The following EXOC6B variants were observed in gnomAD, a reference collection of about 807,000 sequenced individuals.
EXOC6B encodes the protein SEC15 homolog B.
Under a neutral mutation model 113.5 loss-of-function variants are expected in EXOC6B, and 54 were observed. The observed-to-expected ratio is 0.48, with a 90% CI of 0.38 to 0.60. EXOC6B has a LOEUF of 0.60. EXOC6B is among the 20% of genes least tolerant of loss of function. EXOC6B has a pLI of 0.00. For synonymous variants in EXOC6B, 357 were observed against 339.0 expected (o/e 1.05, Z -0.58); for missense variants, 797 against 977.5 (o/e 0.82, Z 2.46).
At chr2:72,717,313 T>C (rs1679678755) in intron 6 of EXOC6B, among the ~76,000 whole-genome samples, 1 of 152,148 alleles carries the variant, frequency 6.6e-6, no homozygotes, top group Admixed American at 6.5e-5. Context: ...CACAGAATGA[T>C]AAAAACTACA....
chr2:72,388,863 A>G (rs942356815), intron 18 of EXOC6B, among the ~76,000 whole-genome samples: 22 of 152,164 alleles, frequency 1.4e-4, no homozygotes, highest in Admixed American at 1.2e-3. Flanking sequence ...ACATTAATAC[A>G]GAAACTCAAT....
chr2:72,240,429 A>G (rs1024001261), intron 20 of EXOC6B, among the ~76,000 whole-genome samples: 8 of 150,234 alleles, frequency 5.3e-5, no homozygotes, highest in Non-Finnish European at 1.0e-4. Context: ...ATACTTACGG[A>G]AAAAAAAATA....
Position 72,335,033 on chromosome 2 carries a change from A to C in EXOC6B, c.2123-13T>G. Reference sequence around the variant, plus strand: ...GATCTGGCAAACTCTGTGGGAAAGAAAAGAGGATAAAAAGCGCCTTTAACT... The same window carrying C: ...GATCTGGCAAACTCTGTGGGAAAGACAAGAGGATAAAAAGCGCCTTTAACT... On this transcript the variant is annotated splice_polypyrimidine_tract_variant and intron_variant, in intron 19 of 21. Transcript: ENST00000272427. 6.2e-7 allele frequency: 1 copy of C among 1,610,260 alleles called. No individual in the cohort carries two copies. The highest frequency in any genetic ancestry group is 8.5e-7 in the Non-Finnish European group (1 of 1,179,066).
intron 10 of EXOC6B, among the ~76,000 whole-genome samples, chr2:72,513,953 TG>T (rs1295747120): frequency 2.0e-5 from 3 of 152,124 alleles, no homozygotes; most frequent in Non-Finnish European, 4.4e-5. Context: ...AAAATAAACC[TG>T]ATGAAGAATC....
At chr2:72,530,003 A>C (rs1044155901) in intron 8 of EXOC6B, among the ~76,000 whole-genome samples, 1 of 152,004 alleles carries the variant, frequency 6.6e-6, no homozygotes, top group African/African-American at 2.4e-5. Flanking sequence ...TAATATCAAT[A>C]ATCTGTTTAT....
At chr2:72,331,357 A>G (rs1417083432) in intron 20 of EXOC6B, among the ~76,000 whole-genome samples, 2 of 152,130 alleles carry the variant, frequency 1.3e-5, no homozygotes, top group African/African-American at 2.4e-5. Context: ...TATCTACTTA[A>G]TGTTTAACCA....
chr2:72,683,715 G>A (rs1260292395), intron 6 of EXOC6B, among the ~76,000 whole-genome samples: 2 of 152,040 alleles, frequency 1.3e-5, no homozygotes, highest in Admixed American at 1.3e-4. Context: ...TTTCAAATGT[G>A]GGGGAAGTCA....
Position 72,499,952 on chromosome 2 carries a change from G to C in EXOC6B, c.1188C>G (p.Asn396Lys), listed in dbSNP as rs1359400720. Residue 396 changes from asparagine to lysine, a missense_variant, in exon 12 of 22, where the codon AAC becomes AAG. By Grantham distance (94) the Asn-to-Lys change is moderately conservative (BLOSUM62 0). Coordinates refer to ENST00000272427, the MANE Select transcript of EXOC6B (RefSeq NM_015189.3). ...TGAGGTTCTTCAAATCTAACACAAG[G>C]TTTGGATCAGAACAGTAAGACTAAA... Reference protein sequence around the residue: ...RTHSSYCSDPNLVLDLKNLIV... With the variant: ...RTHSSYCSDPKLVLDLKNLIV... The C allele has an allele frequency of 3.9e-6, 6 of 1,551,566 alleles. No individual in the cohort carries two copies. The Admixed American group carries it at 5.9e-5, about 15-fold the overall frequency.
intron 6 of EXOC6B, among the ~76,000 whole-genome samples, chr2:72,717,160 G>T (rs892088250): frequency 3.3e-5 from 5 of 152,154 alleles, no homozygotes; most frequent in African/African-American, 7.2e-5. Context: ...GGAAATATCT[G>T]CATTCCCTGA....
At chr2:72,284,896 A>C (rs1685332896) in intron 20 of EXOC6B, among the ~76,000 whole-genome samples, 1 of 152,104 alleles carries the variant, frequency 6.6e-6, no homozygotes, top group Admixed American at 6.5e-5. Flanking sequence ...CCCAGAATGA[A>C]ATGCTTAGGT....
At chr2:72,569,720 C>T (rs1465261781) in intron 7 of EXOC6B, among the ~76,000 whole-genome samples, 1 of 152,082 alleles carries the variant, frequency 6.6e-6, no homozygotes, top group Non-Finnish European at 1.5e-5. Flanking sequence ...TCTAAAGTAG[C>T]CTTTAACTTA....
chr2:72,683,133 C>G (rs1676832048), intron 6 of EXOC6B, among the ~76,000 whole-genome samples: 1 of 152,158 alleles, frequency 6.6e-6, no homozygotes, highest in African/African-American at 2.4e-5. Flanking sequence ...TCCCTGCAGT[C>G]TCTACTTAGA....
intron 20 of EXOC6B, among the ~76,000 whole-genome samples, chr2:72,185,741 T>TG (rs1678383212): frequency 2.0e-5 from 1 of 49,472 alleles, no homozygotes; most frequent in African/African-American, 1.1e-3. Context: ...TATTTCTTTC[T>TG]TTTTTTTTTT....
At chr2:72,644,958 TG>T (rs1225843341) in intron 6 of EXOC6B, among the ~76,000 whole-genome samples, 1 of 152,122 alleles carries the variant, frequency 6.6e-6, no homozygotes, top group Non-Finnish European at 1.5e-5. Context: ...TAAATGTAAA[TG>T]GGCTAAATGC....
rs1679334955 is a variant in EXOC6B, at chr2:72,712,411, G to A, written c.669+5692C>T. 2.0e-5 allele frequency among the ~76,000 whole-genome samples: 3 copies of A among 152,282 alleles called. No individual in the cohort carries two copies. In the South Asian group the frequency reaches 6.2e-4, roughly 32 times the overall value. On this transcript the variant is annotated intron_variant, in intron 6 of 21. Coordinates refer to ENST00000272427, the MANE Select transcript of EXOC6B (RefSeq NM_015189.3). ...CCTTTGTTCAGAGTCTCACCAGGCT[G>A]AAATCATGGTGTCAACCATTGCTGT... is the stretch of plus-strand genomic sequence containing the variant.
intron 6 of EXOC6B, among the ~76,000 whole-genome samples, chr2:72,685,281 G>A (rs1431541322): frequency 6.6e-6 from 1 of 152,090 alleles, no homozygotes; most frequent in African/African-American, 2.4e-5. Context: ...TGATCTCCAA[G>A]TCAAATTACT....
intron 20 of EXOC6B, among the ~76,000 whole-genome samples, chr2:72,204,550 G>GA (rs544117662): frequency 0.14 from 18,002 of 130,492 alleles, 1,282 homozygotes; most frequent in Admixed American, 0.17. Context: ...AAGACCAGAA[G>GA]AAGAAAAAAA....
chr2:72,470,933 G>T (rs1450186326), intron 17 of EXOC6B, among the ~76,000 whole-genome samples: 2 of 152,166 alleles, frequency 1.3e-5, no homozygotes, highest in Non-Finnish European at 2.9e-5. Context: ...ACATACATGG[G>T]CGTGTATCTT....
intron 18 of EXOC6B, among the ~76,000 whole-genome samples, chr2:72,423,574 C>T (rs2105271646): frequency 6.6e-6 from 1 of 152,122 alleles, no homozygotes; most frequent in East Asian, 1.9e-4. Context: ...ATAATTTTAT[C>T]TCTTCTTTTC....
Sources: gnomAD v4.1 joint callset for allele counts (sites outside exome capture counted in the v4.1 genomes callset) on GRCh38, gnomAD v4.1.1 for gene constraint, MANE v1.5 for transcripts, NCBI Gene and HGNC (gene_info 2026-07-23, HGNC 2026-07-21) for gene names.